The following GTF3C6 variants were observed in gnomAD, a reference collection of about 807,000 sequenced individuals.
GTF3C6 encodes general transcription factor 3C polypeptide 6.
A neutral mutation model predicts 19.2 loss-of-function variants in GTF3C6; 11 were observed. That is an observed-to-expected ratio of 0.57 (90% CI 0.36 to 0.95). The LOEUF (loss-of-function observed/expected upper bound fraction) is 0.95, where lower values mean the gene tolerates loss of function less well. Ranked by LOEUF, GTF3C6 falls within the 40% of genes least tolerant of loss-of-function variation. The pLI, the probability that GTF3C6 is intolerant of heterozygous loss-of-function variation, is 0.01. For missense variants in GTF3C6, 222 were observed against 254.7 expected, an observed-to-expected ratio of 0.87 and a Z score of 0.87; for synonymous variants, 87 against 84.2, an observed-to-expected ratio of 1.03 and a Z score of -0.18.
At position 110,958,830 on chromosome 6, in the gene GTF3C6, G is replaced by C. The variant is rs1414065725; in HGVS notation, c.57+4G>C. 6.4e-7 allele frequency: 1 copy of C among 1,551,086 alleles called. No homozygotes were observed. Among genetic ancestry groups the C allele is most frequent in the Non-Finnish European group, 8.7e-7 (1 of 1,146,866 alleles). On this transcript the variant is annotated splice_donor_region_variant and intron_variant, in intron 1 of 5. Coordinates refer to ENST00000329970, the MANE Select transcript of GTF3C6 (RefSeq NM_138408.4). ...CGGAGAAGACGAGGAAGAGGAGGTAGTAAGCGCTACGCCAAAAGCCTGCAC... is the reference window on the plus strand; with the variant it reads ...CGGAGAAGACGAGGAAGAGGAGGTACTAAGCGCTACGCCAAAAGCCTGCAC...
rs1017554391 is a variant in GTF3C6, at chr6:110,959,000, T to C, written c.58-172T>C. On this transcript the variant is annotated intron_variant, in intron 1 of 5. Coordinates refer to ENST00000329970, the MANE Select transcript of GTF3C6 (RefSeq NM_138408.4). The stretch of plus-strand genomic sequence containing the variant: ...CAGCTTGGGACCTTAGCCCTAATCG[T>C]CACCCCGTACTTGGGATGGGAAGTA... 1.2e-4 allele frequency: 104 copies of C among 844,308 alleles called. 1 individual carries two copies. The highest frequency in any genetic ancestry group is 1.7e-4 in the Non-Finnish European group (91 of 521,148). 52.3% of individuals were successfully genotyped at this position (844,308 alleles called of 1,614,324 possible).
chr6:110,960,217 T>C lies in GTF3C6; in HGVS notation c.139-197T>C, dbSNP rs557389522. ...GGATGTTGATTGAAATAAACCTTGTTACTTGAGTATGAATTAAGTAGTCTT... is the reference window on the plus strand; with the variant it reads ...GGATGTTGATTGAAATAAACCTTGTCACTTGAGTATGAATTAAGTAGTCTT... On this transcript the variant is annotated intron_variant, in intron 2 of 5. Transcript: ENST00000329970. Among the ~76,000 whole-genome samples the C allele has an allele frequency of 6.6e-5, 10 of 152,328 alleles. No homozygotes were observed. In the South Asian group the frequency reaches 1.7e-3, roughly 25 times the overall value.
intron 2 of GTF3C6, 131 bp downstream of exon 2, chr6:110,959,383 A>T (rs1771128902): frequency 1.6e-6 from 1 of 626,662 alleles, no homozygotes; most frequent in Non-Finnish European, 2.8e-6. Context: ...TCTAAGGATA[A>T]GAAGTATACT....
intron 5 of GTF3C6, among the ~76,000 whole-genome samples, chr6:110,965,482 C>A (rs1771218650): frequency 1.3e-5 from 2 of 152,136 alleles, no homozygotes; most frequent in South Asian, 2.1e-4. Context: ...TTTGAAGGTA[C>A]ATTGATCTTA....
In GTF3C6 at chr6:110,960,381, G is replaced by T. The variant is rs777284786; in HGVS notation, c.139-33G>T. On this transcript the variant is annotated intron_variant, in intron 2 of 5. Coordinates refer to ENST00000329970, the MANE Select transcript of GTF3C6 (RefSeq NM_138408.4). The stretch of plus-strand genomic sequence containing the variant: ...AATGTTGAAGCCTTTTTCTAATTAT[G>T]TTTTTTTTTTATGATCCTTTATTCT... 2.9e-5 allele frequency: 42 copies of T among 1,434,324 alleles called. No individual in the cohort carries two copies. The Middle Eastern group carries it at 5.6e-4, about 19-fold the overall frequency. The allele number at this position is 1,434,324 out of a possible 1,614,324, so 88.8% of individuals were successfully genotyped here. A position where few individuals can be genotyped will look rare whatever the true frequency, so the allele number is the denominator to read the frequency against.
intron 5 of GTF3C6, among the ~76,000 whole-genome samples, chr6:110,964,111 G>A (rs1193887697): frequency 6.6e-6 from 1 of 152,080 alleles, no homozygotes; most frequent in Non-Finnish European, 1.5e-5. Flanking sequence ...GTCTCACCCT[G>A]TCACCCAGGC....
chr6:110,959,187 G>A lies in GTF3C6; in HGVS notation c.73G>A (p.Val25Met), dbSNP rs1274222948. ...DEEEEEQLVLVELSGIIDSDF... is the reference protein window; with the variant it reads ...DEEEEEQLVLMELSGIIDSDF... Reference sequence around the variant, plus strand: ...CTTTCACCAGGAGCAGTTGGTTCTGGTGGAATTATCAGGAATTATTGATTC... The same window carrying A: ...CTTTCACCAGGAGCAGTTGGTTCTGATGGAATTATCAGGAATTATTGATTC... Residue 25 changes from valine to methionine, a missense_variant, in exon 2 of 6, where the codon GTG (valine) becomes ATG (methionine). Coordinates refer to ENST00000329970, the MANE Select transcript of GTF3C6 (RefSeq NM_138408.4). The A allele has an allele frequency of 1.2e-6, 2 of 1,611,990 alleles. No individual in the cohort carries two copies. Among genetic ancestry groups the A allele is most frequent in the African/African-American group, 2.7e-5 (2 of 74,860 alleles).
rs140936531 is a variant in GTF3C6 at position 110,964,918 on chromosome 6, C to T, written c.361+2413C>T. 4.6e-3 allele frequency among the ~76,000 whole-genome samples: 691 copies of T among 150,808 alleles called. 9 individuals carry two copies. Among genetic ancestry groups the T allele is most frequent in the East Asian group, 0.043 (220 of 5,118 alleles). On this transcript the variant is annotated intron_variant, in intron 5 of 5. Coordinates refer to ENST00000329970, the MANE Select transcript of GTF3C6 (RefSeq NM_138408.4). ...TGCGATCTCGGCTCACTGCAACCTC[C>T]GCCTCCTGGGTTGAAGTAATTCTCC...
At chr6:110,963,125 C>G (rs1001026355) in intron 5 of GTF3C6, among the ~76,000 whole-genome samples, 4 of 152,174 alleles carry the variant, frequency 2.6e-5, no homozygotes, top group African/African-American at 9.6e-5. Context: ...ACCGTGTTGG[C>G]CAGGCTGGTC....
intron 5 of GTF3C6, among the ~76,000 whole-genome samples, chr6:110,967,161 AAAAC>A (rs1370998014): frequency 6.6e-6 from 1 of 152,148 alleles, no homozygotes; most frequent in African/African-American, 2.4e-5. Flanking sequence ...CTTAAAAAAA[AAAAC>A]ATTGTAGGGA....
At chr6:110,958,971 C>A in intron 1 of GTF3C6, 145 bp downstream of exon 1, 1 of 1,006,928 alleles carries the variant, frequency 9.9e-7, no homozygotes, top group Non-Finnish European at 1.5e-6. Flanking sequence ...CGCGAGGAGC[C>A]GGGCAGCTTG....
chr6:110,960,006 G>T (rs1271945679), intron 2 of GTF3C6, among the ~76,000 whole-genome samples: 2 of 151,936 alleles, frequency 1.3e-5, no homozygotes, highest in East Asian at 3.9e-4. Context: ...GGGGATGGTG[G>T]CATGCGCCTG....
chr6:110,961,718 G>A (rs1243781389), intron 4 of GTF3C6, among the ~76,000 whole-genome samples: 1 of 152,050 alleles, frequency 6.6e-6, no homozygotes, highest in African/African-American at 2.4e-5. Flanking sequence ...TCTGACTTTG[G>A]TCCTTAATTT....
chr6:110,966,614 C>A (rs1771232283), intron 5 of GTF3C6, among the ~76,000 whole-genome samples: 1 of 152,176 alleles, frequency 6.6e-6, no homozygotes, highest in Admixed American at 6.6e-5. Context: ...AACACGGCTA[C>A]ATGCTGGAGG....
At chr6:110,958,938 C>T (rs1771121680) in intron 1 of GTF3C6, 112 bp downstream of exon 1, 1 of 1,243,846 alleles carries the variant, frequency 8.0e-7, no homozygotes, top group Non-Finnish European at 1.1e-6. Flanking sequence ...CCCACTGCTC[C>T]TCACCGGCTT....
At position 110,967,589 on chromosome 6, in the gene GTF3C6, TGAAGAC is replaced by T. The variant is rs747043257; in HGVS notation, c.447_452del (p.Asp149_Glu150del). The T allele has an allele frequency of 1.1e-5, 18 of 1,614,048 alleles. No individual in the cohort carries two copies. The highest frequency in any genetic ancestry group is 2.7e-5 in the African/African-American group (2 of 75,020). On this transcript the variant is annotated inframe_deletion, in exon 6 of 6. Coordinates refer to ENST00000329970, the MANE Select transcript of GTF3C6 (RefSeq NM_138408.4). ...TGATTTGTAACTTTCTACATGAAAA[TGAAGAC>T]GAAGAAGTGGTAGCTTCAGCCCCAG... is the stretch of plus-strand genomic sequence containing the variant.
chr6:110,961,324 T>C (rs1056945370), intron 4 of GTF3C6, among the ~76,000 whole-genome samples: 1 of 151,876 alleles, frequency 6.6e-6, no homozygotes, highest in Non-Finnish European at 1.5e-5. Context: ...GTAATTTTTC[T>C]ATTTTTGGTA....
In GTF3C6 at chr6:110,958,733, C is replaced by T; in HGVS notation, c.-37C>T. 2 of 1,549,120 alleles carry T rather than the reference C, an allele frequency of 1.3e-6. No individual in the cohort carries two copies. Among genetic ancestry groups the T allele is most frequent in the Non-Finnish European group, 1.7e-6 (2 of 1,146,132 alleles). On this transcript the variant is annotated 5_prime_UTR_variant, in exon 1 of 6. Transcript: ENST00000329970. ...ACTCAAGATGGCGGCTCCGGGCGGG[C>T]GTGGCCAGTGACTAGAAGGCGAGGC... is the stretch of plus-strand genomic sequence containing the variant.
At position 110,960,706 on chromosome 6, in the gene GTF3C6, T is replaced by G. The variant is rs1408255697; in HGVS notation, c.247+90T>G. On this transcript the variant is annotated intron_variant, in intron 4 of 5. Coordinates refer to ENST00000329970, the MANE Select transcript of GTF3C6 (RefSeq NM_138408.4). ...ATATCTCATGTATCCACTGTCTAGC[T>G]GTATCATATCCTATCATTTTCCCAA... The G allele has an allele frequency of 6.0e-6, 6 of 1,003,782 alleles. No individual in the cohort carries two copies. The African/African-American group carries it at 9.6e-5, about 16-fold the overall frequency. 62.2% of individuals were successfully genotyped at this position (1,003,782 alleles called of 1,614,324 possible). A position where few individuals can be genotyped will look rare whatever the true frequency, so the allele number is the denominator to read the frequency against.
Sources: allele counts gnomAD v4.1 joint callset (sites outside exome capture counted in the v4.1 genomes callset), GRCh38; gene constraint gnomAD v4.1.1; transcripts MANE v1.5; gene names NCBI Gene and HGNC (gene_info 2026-07-23, HGNC 2026-07-21).